Variants in MED12L observed in about 807,000 individuals in gnomAD.
MED12L encodes mediator of RNA polymerase II transcription subunit 12-like protein.
A neutral mutation model predicts 281.3 loss-of-function variants in MED12L; 60 were observed. That is an observed-to-expected ratio of 0.21 (90% CI 0.17 to 0.26). The LOEUF (loss-of-function observed/expected upper bound fraction) is 0.26. Among genes scored for constraint, MED12L ranks in the 10% least tolerant of loss-of-function variants. MED12L has a pLI of 1.00. For missense variants in MED12L, 2,146 were observed against 2,680.9 expected (o/e 0.80, Z 4.41); for synonymous variants, 974 against 987.2 (o/e 0.99, Z 0.25).
chr3:151,165,044 A>G (rs552702472), intron 9 of MED12L, among the ~76,000 whole-genome samples: 2 of 151,848 alleles, frequency 1.3e-5, no homozygotes, highest in Non-Finnish European at 2.9e-5. Context: ...AAAAAAAAGA[A>G]TAAGATCCCT....
At chr3:151,164,443 C>T (rs1720420860) in intron 9 of MED12L, among the ~76,000 whole-genome samples, 2 of 152,200 alleles carry the variant, frequency 1.3e-5, no homozygotes, top group South Asian at 2.1e-4. Context: ...GAATAAGATC[C>T]CTGTCTTGGG....
intron 16 of MED12L, among the ~76,000 whole-genome samples, chr3:151,298,068 C>G (rs1745343517): frequency 6.6e-6 from 1 of 152,174 alleles, no homozygotes; most frequent in Admixed American, 6.5e-5. Flanking sequence ...AGGCTCAAAA[C>G]TTAACTTTGA....
At chr3:151,386,582 T>G (rs1167960134) in intron 36 of MED12L, among the ~76,000 whole-genome samples, 1 of 149,228 alleles carries the variant, frequency 6.7e-6, no homozygotes, top group Admixed American at 6.7e-5. Context: ...GTCTTTGTTT[T>G]TTTTTTTTTT....
chr3:151,350,234 A>G (rs374735811), intron 17 of MED12L, 28 bp downstream of exon 17: 2 of 1,607,088 alleles, frequency 1.2e-6, no homozygotes, highest in East Asian at 2.2e-5. Context: ...ATTTGCTCCC[A>G]TTGTGTTGCC....
intron 16 of MED12L, among the ~76,000 whole-genome samples, chr3:151,298,189 G>A (rs1475405958): frequency 2.0e-5 from 3 of 152,060 alleles, no homozygotes; most frequent in East Asian, 1.9e-4. Context: ...TTTCCAAAAC[G>A]TATAGGTGTA....
intron 16 of MED12L, among the ~76,000 whole-genome samples, chr3:151,277,038 A>G (rs1269218459): frequency 1.3e-5 from 2 of 152,090 alleles, no homozygotes; most frequent in Non-Finnish European, 2.9e-5. Context: ...CTGGGATTAC[A>G]GGCATGCACC....
At chr3:151,103,283 G>A (rs151267589) in intron 2 of MED12L, among the ~76,000 whole-genome samples, 99 of 152,310 alleles carry the variant, frequency 6.5e-4, no homozygotes, top group African/African-American at 2.2e-3. Flanking sequence ...ATATCAGAGG[G>A]TGATATGCAT....
At chr3:151,247,742 C>T (rs1391106587) in intron 16 of MED12L, among the ~76,000 whole-genome samples, 2 of 142,136 alleles carry the variant, frequency 1.4e-5, no homozygotes, top group Non-Finnish European at 3.1e-5. Context: ...GCACATGTAC[C>T]CTAAAACTTA....
At chr3:151,425,662 G>A in intron 43 of MED12L, 3 of 456,628 alleles carry the variant, frequency 6.6e-6, no homozygotes, top group Middle Eastern at 3.3e-4. Flanking sequence ...CCTGACAGTA[G>A]TAAGCTGGGT....
rs1719755662 is a variant in MED12L at position 151,433,470 on chromosome 3, T to G, written c.*666T>G. The G allele has an allele frequency of 6.6e-6, 1 of 152,616 alleles. No individual in the cohort carries two copies. Among genetic ancestry groups the G allele is most frequent in the African/African-American group, 2.4e-5 (1 of 41,444 alleles). The allele number at this position is 152,616 out of a possible 1,614,324, so 9.5% of individuals were successfully genotyped here. Reference sequence around the variant, plus strand: ...CTTAAACCAAGAACCTAAACCAAGGTTTCTTTGAGAGCCGCCCTAAGATGT... The same window carrying G: ...CTTAAACCAAGAACCTAAACCAAGGGTTCTTTGAGAGCCGCCCTAAGATGT... On this transcript the variant is annotated 3_prime_UTR_variant, in exon 45 of 45. Transcript: ENST00000687756.
In MED12L at chr3:151,192,629, A is replaced by T; in HGVS notation, c.2048A>T (p.Lys683Ile). 6.5e-7 allele frequency: 1 copy of T among 1,536,268 alleles called. No individual in the cohort carries two copies. Among genetic ancestry groups the T allele is most frequent in the Non-Finnish European group, 8.7e-7 (1 of 1,146,672 alleles). ...GATGAAGTAGACAAGAGTGACTTTA[A>T]AACTGACTTTGGTTCGGAATTTCCA... The part of the protein sequence containing the change: ...IFDEVDKSDF[K>I]TDFGSEFPIF... Residue 683 changes from lysine to isoleucine, a missense_variant, in exon 15 of 45, where the codon AAA becomes ATA. Coordinates refer to ENST00000687756, the MANE Select transcript of MED12L (RefSeq NM_001393769.1).
chr3:151,199,054 G>T (rs752246127), intron 16 of MED12L: 10 of 1,613,892 alleles, frequency 6.2e-6, no homozygotes, highest in Non-Finnish European at 7.6e-6. Flanking sequence ...GAAGACAGCG[G>T]TCAATGCTGA....
chr3:151,274,388 C>A (rs1741500177), intron 16 of MED12L, among the ~76,000 whole-genome samples: 1 of 152,170 alleles, frequency 6.6e-6, no homozygotes, highest in Non-Finnish European at 1.5e-5. Context: ...ACCATATCCT[C>A]CCTCTTCCTT....
At chr3:151,306,252 A>C (rs1207566868) in intron 16 of MED12L, among the ~76,000 whole-genome samples, 1 of 152,106 alleles carries the variant, frequency 6.6e-6, no homozygotes, top group Non-Finnish European at 1.5e-5. Context: ...ATTTCTTTTC[A>C]AATGGTTTTT....
intron 16 of MED12L, among the ~76,000 whole-genome samples, chr3:151,321,598 A>G (rs1345202996): frequency 2.0e-5 from 3 of 152,218 alleles, no homozygotes; most frequent in Non-Finnish European, 4.4e-5. Context: ...TCATATACAC[A>G]CATTTAACGT....
At chr3:151,336,434 A>C (rs1751002382) in intron 16 of MED12L, 1 of 447,486 alleles carries the variant, frequency 2.2e-6, no homozygotes, top group African/African-American at 2.0e-5. Flanking sequence ...TTTCAATAAA[A>C]GTGATTATTA....
rs1296468177 is a variant in MED12L at position 151,360,466 on chromosome 3, C to T, written c.2826-8C>T. The T allele has an allele frequency of 2.5e-6, 4 of 1,608,720 alleles. No individual in the cohort carries two copies. Among genetic ancestry groups the T allele is most frequent in the South Asian group, 1.1e-5 (1 of 90,228 alleles). On this transcript the variant is annotated splice_polypyrimidine_tract_variant and splice_region_variant and intron_variant, in intron 20 of 44. Coordinates refer to ENST00000687756, the MANE Select transcript of MED12L (RefSeq NM_001393769.1). ...ATGTCTTATTTCTTCGTATATTTTT[C>T]TCCTCAGGTTGTGTGGTGTGGTCAA...
intron 16 of MED12L, among the ~76,000 whole-genome samples, chr3:151,343,050 A>G (rs547854453): frequency 1.1e-3 from 160 of 152,118 alleles, no homozygotes; most frequent in African/African-American, 3.4e-3. Flanking sequence ...GTACCTGAGA[A>G]TCTTTCCCTA....
intron 38 of MED12L, among the ~76,000 whole-genome samples, chr3:151,391,203 G>A (rs1438122186): frequency 6.6e-6 from 1 of 152,176 alleles, no homozygotes; most frequent in African/African-American, 2.4e-5. Context: ...ACATATGTAA[G>A]ATTTAAAAGT....
Sources: allele counts gnomAD v4.1 joint callset (sites outside exome capture counted in the v4.1 genomes callset), GRCh38; gene constraint gnomAD v4.1.1; transcripts MANE v1.5; gene names NCBI Gene and HGNC (gene_info 2026-07-23, HGNC 2026-07-21).